LPL: variants seen among roughly 807,000 people sequenced by gnomAD.
LPL encodes the protein phospholipase A1.
Under a neutral mutation model 52.2 loss-of-function variants are expected in LPL, and 43 were observed. That is an observed-to-expected ratio of 0.82 (90% CI 0.64 to 1.06). The LOEUF is 1.06. Ranked by LOEUF, LPL falls within the 50% of genes least tolerant of loss-of-function variation. LPL has a pLI of 0.00. For synonymous variants in LPL, 244 were observed against 215.6 expected, an observed-to-expected ratio of 1.13 and a Z score of -1.15; for missense variants, 639 against 585.3, an observed-to-expected ratio of 1.09 and a Z score of -0.95.
Position 19,944,915 on chromosome 8 carries a change from G to A in LPL, c.89-3265G>A, listed in dbSNP as rs922540050. On this transcript the variant is annotated intron_variant, in intron 1 of 9. Coordinates refer to ENST00000650287, the MANE Select transcript of LPL (RefSeq NM_000237.3). This position sits in a 1 kb window ranked among gnomAD's most constrained non-coding sequence, Gnocchi z 4.2. ...ACGAGGCCTGATGGGCAGGTGGTACGGTGATGCTAAGTTAAATTCAGAATG... is the reference window on the plus strand; with the variant it reads ...ACGAGGCCTGATGGGCAGGTGGTACAGTGATGCTAAGTTAAATTCAGAATG... Among the ~76,000 whole-genome samples, 1 of 152,090 alleles carries A rather than the reference G, an allele frequency of 6.6e-6. No individual in the cohort carries two copies. Among genetic ancestry groups the A allele is most frequent in the South Asian group, 2.1e-4 (1 of 4,820 alleles).
chr8:19,946,485 T>G (rs56321069), intron 1 of LPL: 1 of 206,152 alleles, frequency 4.9e-6, no homozygotes, highest in Non-Finnish European at 1.0e-5. Context: ...AAATGCCTAT[T>G]CTTTCACTGT....
intron 2 of LPL, among the ~76,000 whole-genome samples, chr8:19,951,226 G>A (rs7002728): frequency 9.5e-4 from 145 of 152,224 alleles, no homozygotes; most frequent in African/African-American, 3.3e-3. Flanking sequence ...TTAAGTACAG[G>A]GTTCCCATTG....
rs1590141231 is a variant in LPL at position 19,951,354 on chromosome 8, G to A, written c.250-415G>A. Among the ~76,000 whole-genome samples, 3 of 152,284 alleles carry A rather than the reference G, an allele frequency of 2.0e-5. No homozygotes were observed. The South Asian group carries it at 6.2e-4, about 32-fold the overall frequency. ...AAAGGGTGCCCAACACCCCAACCTT[G>A]AAGGGAGGCGAAGGTGAGTGGGACT... On this transcript the variant is annotated intron_variant, in intron 2 of 9. Coordinates refer to ENST00000650287, the MANE Select transcript of LPL (RefSeq NM_000237.3).
At position 19,950,245 on chromosome 8, in the gene LPL, G is replaced by A. The variant is rs533601021; in HGVS notation, c.250-1524G>A. On this transcript the variant is annotated intron_variant, in intron 2 of 9. Coordinates refer to ENST00000650287, the MANE Select transcript of LPL (RefSeq NM_000237.3). The surrounding 1 kb of genome is among the most constrained non-coding windows in gnomAD (Gnocchi z 4.2). ...GCAGGGAGGGCTTCAGTTCAGCTGC[G>A]TGTCTGAAAACCAAAGATTTAAAAC... 1.2e-4 allele frequency among the ~76,000 whole-genome samples: 18 copies of A among 152,324 alleles called. 1 individual carries two copies. Among genetic ancestry groups the A allele is most frequent in the South Asian group, 6.2e-4 (3 of 4,828 alleles).
chr8:19,943,716 A>T (rs1590136660), intron 1 of LPL, among the ~76,000 whole-genome samples: 1 of 152,210 alleles, frequency 6.6e-6, no homozygotes, highest in Non-Finnish European at 1.5e-5. Flanking sequence ...TGGCTTATTC[A>T]CACTTGATGG....
chr8:19,943,751 T>C (rs940023700), intron 1 of LPL, among the ~76,000 whole-genome samples: 1 of 152,236 alleles, frequency 6.6e-6, no homozygotes, highest in African/African-American at 2.4e-5. Flanking sequence ...GCAATTTTAA[T>C]ACACATCTCT....
chr8:19,959,317 A>G lies in LPL; in HGVS notation c.1076A>G (p.Asn359Ser), dbSNP rs1390095722. ...GGGACTGAGAGTGAAACCCATACCA[A>G]TCAGGCCTTTGAGATTTCTCTGTAT... ...FSGTESETHT[N>S]QAFEISLYGT... Residue 359 changes from asparagine to serine, a missense_variant, in exon 7 of 10, where the codon AAT (asparagine) becomes AGT (serine). By Grantham distance (46) the Asn-to-Ser change is conservative. Transcript: ENST00000650287. 2 of 1,613,984 alleles carry G rather than the reference A, an allele frequency of 1.2e-6. No individual in the cohort carries two copies. The highest frequency in any genetic ancestry group is 1.7e-6 in the Non-Finnish European group (2 of 1,180,012).
chr8:19,948,025 C>G (rs77298438), intron 1 of LPL, among the ~76,000 whole-genome samples, 155 bp from the exon 2 acceptor site: 1,585 of 152,256 alleles, frequency 0.01, 25 homozygotes, highest in African/African-American at 0.036. Context: ...GTTGGAGCAT[C>G]TGTTGTTCTC....
At chr8:19,959,497 T>C in intron 7 of LPL, 117 bp downstream of exon 7, 1 of 1,315,388 alleles carries the variant, frequency 7.6e-7, no homozygotes, top group Non-Finnish European at 1.0e-6. Flanking sequence ...GTTAAAAAAA[T>C]CAGAATTTCA....
In LPL at chr8:19,954,345, G is replaced by GTAAATATT. The variant is rs769832722; in HGVS notation, c.767_768insTAAATATT (p.Leu257LysfsTer10). 1 of 1,613,366 alleles carries GTAAATATT rather than the reference G, an allele frequency of 6.2e-7. No homozygotes were observed. Among genetic ancestry groups the GTAAATATT allele is most frequent in the South Asian group, 1.1e-5 (1 of 91,062 alleles). On this transcript the variant is annotated frameshift_variant, in exon 5 of 10. Transcript: ENST00000650287. LOFTEE classifies it high-confidence loss of function. ...GCTATCCGCGTGATTGCAGAGAGAG[G>GTAAATATT]ACTTGGAGGTAAATATTATTTAGAA...
rs1274915423 is a variant in LPL, at chr8:19,955,942, T to C, written c.877T>C (p.Ser293Pro). ...TCCAAGTAAGGCCTACAGGTGCAGT[T>C]CCAAGGAAGCCTTTGAGAAAGGGCT... ...ENPSKAYRCS[S>P]KEAFEKGLCL... Residue 293 changes from serine to proline, a missense_variant, in exon 6 of 10, where the codon TCC (serine) becomes CCC (proline). By Grantham distance (74) the Ser-to-Pro change is moderately conservative. Coordinates refer to ENST00000650287, the MANE Select transcript of LPL (RefSeq NM_000237.3). The C allele has an allele frequency of 1.9e-6, 3 of 1,614,148 alleles. No homozygotes were observed. Among genetic ancestry groups the C allele is most frequent in the Non-Finnish European group, 2.5e-6 (3 of 1,180,028 alleles).
chr8:19,944,656 T>G lies in LPL; in HGVS notation c.89-3524T>G, dbSNP rs1043303104. Reference sequence around the variant, plus strand: ...TCTTTCTAGCAACAAGAATTACCACTCTTCCCCTCTATACATTTATCTTTC... The same window carrying G: ...TCTTTCTAGCAACAAGAATTACCACGCTTCCCCTCTATACATTTATCTTTC... On this transcript the variant is annotated intron_variant, in intron 1 of 9. Coordinates refer to ENST00000650287, the MANE Select transcript of LPL (RefSeq NM_000237.3). The surrounding 1 kb of genome is among the most constrained non-coding windows in gnomAD (Gnocchi z 4.2). 4.6e-5 allele frequency among the ~76,000 whole-genome samples: 7 copies of G among 152,218 alleles called. No homozygotes were observed. The highest frequency in any genetic ancestry group is 1.7e-4 in the African/African-American group (7 of 41,464).
intron 7 of LPL, among the ~76,000 whole-genome samples, chr8:19,960,506 T>C (rs767169086): frequency 6.6e-6 from 1 of 152,006 alleles, no homozygotes; most frequent in Non-Finnish European, 1.5e-5. Flanking sequence ...CAGGAAAACA[T>C]AGTAAAAAAT....
chr8:19,954,025 T>C, intron 4 of LPL, 95 bp from the exon 5 acceptor site: 1 of 858,098 alleles, frequency 1.2e-6, no homozygotes, highest in Non-Finnish European at 2.0e-6. Context: ...AGAATCTAAA[T>C]AGCTGCCAGT....
rs771476617 is a variant in LPL, at chr8:19,954,159, C to G, written c.581C>G (p.Ala194Gly). The change falls in exon 5 of 10, where the codon GCC (alanine) becomes GGC (glycine). Residue 194 changes from alanine (A) to glycine (G), a missense_variant. Coordinates refer to ENST00000650287, the MANE Select transcript of LPL (RefSeq NM_000237.3). ...PAGPNFEYAE[A>G]PSRLSPDDAD... ...GGACCTAACTTTGAGTATGCAGAAG[C>G]CCCGAGTCGTCTTTCTCCTGATGAT... 6.2e-7 allele frequency: 1 copy of G among 1,614,166 alleles called. No homozygotes were observed. The highest frequency in any genetic ancestry group is 1.1e-5 in the South Asian group (1 of 91,072).
At chr8:19,958,049 T>A (rs1285680285) in intron 6 of LPL, among the ~76,000 whole-genome samples, 1 of 149,840 alleles carries the variant, frequency 6.7e-6, no homozygotes, top group East Asian at 1.9e-4. Flanking sequence ...AGACACAGTC[T>A]CGCTCAGTTA....
chr8:19,959,143 T>C, intron 6 of LPL, 117 bp from the exon 7 acceptor site: 1 of 1,242,338 alleles, frequency 8.0e-7, no homozygotes, highest in Non-Finnish European at 1.2e-6. Flanking sequence ...TCCATGTGTG[T>C]GCACTTCCGG....
rs1210814050 is a variant in LPL, at chr8:19,965,366, T to C, written c.*56T>C. ...CATGTGAATTCTGTGAAGAATGAAG[T>C]GGAGGAAGTAACTTTTACAAAACAT... is the stretch of plus-strand genomic sequence containing the variant. On this transcript the variant is annotated 3_prime_UTR_variant, in exon 10 of 10. Transcript: ENST00000650287. The C allele has an allele frequency of 7.7e-6, 6 of 780,222 alleles. No homozygotes were observed. The highest frequency in any genetic ancestry group is 1.4e-5 in the Non-Finnish European group (6 of 417,860). 48.3% of individuals were successfully genotyped at this position (780,222 alleles called of 1,614,324 possible).
At position 19,965,322 on chromosome 8, in the gene LPL, T is replaced by G. The variant is rs766221816; in HGVS notation, c.*12T>G. 4.5e-5 allele frequency: 35 copies of G among 780,514 alleles called. No individual in the cohort carries two copies. In the Admixed American group the frequency reaches 5.9e-4, roughly 13 times the overall value. 48.3% of individuals were successfully genotyped at this position (780,514 alleles called of 1,614,324 possible). On this transcript the variant is annotated 3_prime_UTR_variant, in exon 10 of 10. Transcript: ENST00000650287. ...TGCTTTTTCTCAGAAACTGGGCGAA[T>G]CTACAGAACAAAGAACGGCATGTGA...
Sources: gnomAD v4.1 joint callset for allele counts (sites outside exome capture counted in the v4.1 genomes callset) on GRCh38, gnomAD v4.1.1 for gene constraint, Gnocchi (gnomAD v3.1) non-coding constraint, MANE v1.5 for transcripts, NCBI Gene and HGNC (gene_info 2026-07-23, HGNC 2026-07-21) for gene names.